ARB2A: variants seen among roughly 807,000 people sequenced by gnomAD.
ARB2A encodes the protein ARB2 cotranscriptional regulator A, also known as cotranscriptional regulator ARB2A.
the ARB2A span, among the ~76,000 whole-genome samples, chr5:94,041,339 T>C: frequency 6.6e-6 from 1 of 152,014 alleles, no homozygotes; most frequent in Admixed American, 6.6e-5. Flanking sequence ...AACTGGTCAG[T>C]CATGTCCTTG....
the ARB2A span, chr5:93,740,906 G>T: frequency 6.2e-7 from 1 of 1,613,954 alleles, no homozygotes; most frequent in Non-Finnish European, 8.5e-7. Context: ...TTTCCGATTC[G>T]TCGCTCTCTG....
the ARB2A span, chr5:93,805,531 C>A: frequency 1.0e-6 from 1 of 985,080 alleles, no homozygotes; most frequent in South Asian, 4.7e-5. Context: ...ATGACCTGAG[C>A]AGTAATAAAA....
At chr5:93,838,548 C>CA in the ARB2A span, among the ~76,000 whole-genome samples, 8,975 of 142,868 alleles carry the variant, frequency 0.063, 340 homozygotes, top group East Asian at 0.14. Flanking sequence ...GACTCTGTAT[C>CA]AAAAAAAAAA....
chr5:94,088,743 T>C, the ARB2A span, among the ~76,000 whole-genome samples: 2 of 152,212 alleles, frequency 1.3e-5, no homozygotes, highest in African/African-American at 4.8e-5. Flanking sequence ...TTTAAGCACT[T>C]TTCTTTGGCA....
chr5:93,867,926 T>C, the ARB2A span, among the ~76,000 whole-genome samples: 3 of 152,136 alleles, frequency 2.0e-5, no homozygotes, highest in Non-Finnish European at 4.4e-5. Context: ...TAATATTACA[T>C]AAGGTAGAAC....
chr5:93,683,252 A>G, the ARB2A span: 3 of 1,537,572 alleles, frequency 2.0e-6, no homozygotes, highest in Non-Finnish European at 2.7e-6. Context: ...AGCAAGTTTT[A>G]CTTTTTTCTG....
the ARB2A span, among the ~76,000 whole-genome samples, chr5:94,009,079 T>C: frequency 6.6e-6 from 1 of 152,136 alleles, no homozygotes; most frequent in East Asian, 1.9e-4. Context: ...GTCAGGATCA[T>C]GTATTATGTC....
At chr5:93,702,377 A>G in the ARB2A span, among the ~76,000 whole-genome samples, 1 of 152,106 alleles carries the variant, frequency 6.6e-6, no homozygotes, top group East Asian at 1.9e-4. Context: ...ACTGGGCCCC[A>G]TCAGGTACTC....
the ARB2A span, among the ~76,000 whole-genome samples, chr5:94,102,042 T>C: frequency 2.7e-5 from 4 of 150,676 alleles, no homozygotes; most frequent in Non-Finnish European, 4.4e-5. Context: ...GAAACTTTCC[T>C]CCTGAAAATT....
the ARB2A span, among the ~76,000 whole-genome samples, chr5:93,632,300 T>A: frequency 1.3e-5 from 2 of 152,098 alleles, no homozygotes; most frequent in Non-Finnish European, 2.9e-5. Flanking sequence ...GAGACCTGAG[T>A]GGCAACAAGG....
chr5:93,624,571 T>C, the ARB2A span, among the ~76,000 whole-genome samples: 279 of 152,206 alleles, frequency 1.8e-3, no homozygotes, highest in South Asian at 2.5e-3. Context: ...AAAAGTAAAA[T>C]GTAAAGGATC....
the ARB2A span, among the ~76,000 whole-genome samples, chr5:93,937,438 TAA>T: frequency 2.1e-5 from 3 of 140,896 alleles, no homozygotes; most frequent in African/African-American, 2.6e-5. Flanking sequence ...CCATCTCTAT[TAA>T]AAAAAAAAAA....
At chr5:93,990,271 G>A in the ARB2A span, among the ~76,000 whole-genome samples, 1 of 152,034 alleles carries the variant, frequency 6.6e-6, no homozygotes, top group African/African-American at 2.4e-5. Flanking sequence ...AGTAATTTGT[G>A]AGAGAGATAA....
At chr5:93,963,475 T>C in the ARB2A span, among the ~76,000 whole-genome samples, 2 of 151,976 alleles carry the variant, frequency 1.3e-5, no homozygotes, top group Non-Finnish European at 1.5e-5. Context: ...TGACTAATAA[T>C]GTGATCTTGC....
At chr5:94,087,126 C>T in the ARB2A span, among the ~76,000 whole-genome samples, 1 of 151,524 alleles carries the variant, frequency 6.6e-6, no homozygotes, top group Non-Finnish European at 1.5e-5. Flanking sequence ...TCATTTTTGG[C>T]AAAAATGTTT....
the ARB2A span, among the ~76,000 whole-genome samples, chr5:93,912,160 T>A: frequency 6.6e-6 from 1 of 151,760 alleles, no homozygotes; most frequent in Non-Finnish European, 1.5e-5. Flanking sequence ...TTTCATTTGA[T>A]GAGTCAGTTG....
At chr5:94,041,025 A>G in the ARB2A span, among the ~76,000 whole-genome samples, 1 of 152,136 alleles carries the variant, frequency 6.6e-6, no homozygotes, top group African/African-American at 2.4e-5. Flanking sequence ...GGAACCCAGA[A>G]GCCTGGCATG....
chr5:93,668,921 A>G, the ARB2A span, among the ~76,000 whole-genome samples: 1 of 152,204 alleles, frequency 6.6e-6, no homozygotes, highest in Non-Finnish European at 1.5e-5. Flanking sequence ...TCGATCTGCC[A>G]TGGGGAAAAC....
the ARB2A span, among the ~76,000 whole-genome samples, chr5:93,928,036 A>G: frequency 6.6e-6 from 1 of 152,014 alleles, no homozygotes; most frequent in African/African-American, 2.4e-5. Context: ...CTTTTAGTCC[A>G]GCAGGAACTG....
Sources: gnomAD v4.1 joint callset for allele counts (sites outside exome capture counted in the v4.1 genomes callset) on GRCh38, gnomAD v4.1.1 for gene constraint, MANE v1.5 for transcripts, NCBI Gene and HGNC (gene_info 2026-07-23, HGNC 2026-07-21) for gene names.